Variants in ANKFN1 observed in about 807,000 individuals in gnomAD.
The protein encoded by ANKFN1 is ankyrin repeat and fibronectin type III domain containing 1, also known as ankyrin repeat and fibronectin type-III domain-containing protein 1.
A neutral mutation model predicts 108.7 loss-of-function variants in ANKFN1; 74 were observed. The observed-to-expected ratio is 0.68, with a 90% CI of 0.56 to 0.83. The LOEUF (loss-of-function observed/expected upper bound fraction) is 0.83. ANKFN1 is among the 40% of genes least tolerant of loss of function. ANKFN1 has a pLI of 0.00. For missense variants in ANKFN1, 1,505 were observed against 1,382.3 expected (o/e 1.09, Z -1.41); for synonymous variants, 547 against 516.2 (o/e 1.06, Z -0.81).
At chr17:56,479,860 C>A (rs2050634259) in intron 16 of ANKFN1, among the ~76,000 whole-genome samples, 2 of 152,176 alleles carry the variant, frequency 1.3e-5, no homozygotes, top group Admixed American at 1.3e-4. Context: ...AGAATCTGGG[C>A]CAACTGAATG....
chr17:56,245,343 T>C (rs1374794428), intron 3 of ANKFN1, among the ~76,000 whole-genome samples: 1 of 152,064 alleles, frequency 6.6e-6, no homozygotes, highest in Non-Finnish European at 1.5e-5. Flanking sequence ...TTTGTTTGTT[T>C]GTTCTAACAT....
chr17:56,178,310 G>A (rs1244690348), intron 1 of ANKFN1, among the ~76,000 whole-genome samples: 1 of 152,158 alleles, frequency 6.6e-6, no homozygotes, highest in African/African-American at 2.4e-5. Context: ...TTATTTGGGG[G>A]ACATTCATTT....
chr17:56,063,803 C>T (rs536838295), intron 4 of ANKFN1, among the ~76,000 whole-genome samples: 19 of 152,134 alleles, frequency 1.2e-4, no homozygotes, highest in South Asian at 1.0e-3. Context: ...GGAGAGAGAT[C>T]GTGATCATTT....
At chr17:56,476,063 A>G (rs1484202484) in intron 15 of ANKFN1, among the ~76,000 whole-genome samples, 1 of 152,200 alleles carries the variant, frequency 6.6e-6, no homozygotes, top group African/African-American at 2.4e-5. Flanking sequence ...AGTGCCACAC[A>G]CTTTTAAACC....
intron 5 of ANKFN1, 22 bp downstream of exon 5, chr17:56,350,989 T>A (rs1437063361): frequency 6.2e-7 from 1 of 1,605,334 alleles, no homozygotes; most frequent in South Asian, 1.1e-5. Flanking sequence ...GTTTTTATTC[T>A]TGTGTCAGTT....
intron 3 of ANKFN1, among the ~76,000 whole-genome samples, chr17:56,306,957 G>A (rs950467022): frequency 6.6e-6 from 1 of 152,122 alleles, no homozygotes; most frequent in Non-Finnish European, 1.5e-5. Flanking sequence ...TGACAAACCT[G>A]ACAAAAACAA....
intron 20 of ANKFN1, 24 bp from the exon 21 acceptor site, chr17:56,510,449 T>C (rs776482983): frequency 1.3e-6 from 2 of 1,530,218 alleles, no homozygotes; most frequent in Non-Finnish European, 1.7e-6. Flanking sequence ...ATATTTTTCC[T>C]AACCTCAGTT....
chr17:56,401,368 A>ATTGTATTGTATTGTGTTGTG (rs55888620), intron 8 of ANKFN1, among the ~76,000 whole-genome samples: 17 of 135,646 alleles, frequency 1.3e-4, no homozygotes, highest in East Asian at 4.4e-4. Context: ...ATTGTATTGT[A>ATTGTATTGTATTGTGTTGTG]TTGTGTTGTG....
At chr17:56,237,427 C>T (rs372723367) in intron 3 of ANKFN1, among the ~76,000 whole-genome samples, 65 of 152,114 alleles carry the variant, frequency 4.3e-4, no homozygotes, top group Non-Finnish European at 7.7e-4. Context: ...TTTCTTTAAT[C>T]GGTAGGCTAT....
chr17:56,057,308 C>T (rs1904897127), intron 4 of ANKFN1, among the ~76,000 whole-genome samples: 1 of 152,160 alleles, frequency 6.6e-6, no homozygotes, highest in Admixed American at 6.6e-5. Flanking sequence ...TTACCTTCCC[C>T]CATGAATCAC....
rs1262944771 is a variant in ANKFN1 at position 56,482,403 on chromosome 17, C to T, written c.2139C>T (p.His713=). 2.5e-6 allele frequency: 4 copies of T among 1,613,252 alleles called. No homozygotes were observed. Among genetic ancestry groups the T allele is most frequent in the South Asian group, 2.2e-5 (2 of 90,840 alleles). Residue 713 remains histidine, a synonymous_variant, in exon 18 of 21, where the codon CAC becomes CAT. Transcript: ENST00000682825. ...CACAGGAGGTGTTGGAAATGGGTCA[C>T]AATGTGTCCTTTCTTCTCCTGCTCC... ...LYTQEVLEMG[H]NVSFLLLLPA...
At chr17:56,216,631 C>CATAGATGATG (rs1915443365) in intron 2 of ANKFN1, among the ~76,000 whole-genome samples, 1 of 152,180 alleles carries the variant, frequency 6.6e-6, no homozygotes, top group Non-Finnish European at 1.5e-5. Flanking sequence ...GGGTGATTTC[C>CATAGATGATG]ATAGATGATG....
rs61556880 is a variant in ANKFN1, at chr17:56,188,581, GTATATATATATATATA to G, written c.-70-23997_-70-23982del. Among the ~76,000 whole-genome samples the G allele has an allele frequency of 5.0e-4, 25 of 49,654 alleles. 1 individual carries two copies. Among genetic ancestry groups the G allele is most frequent in the African/African-American group, 2.2e-3 (22 of 9,898 alleles). 32.6% of individuals were successfully genotyped at this position (49,654 alleles called of 152,430 possible). A position where few individuals can be genotyped will look rare whatever the true frequency, so the allele number is the denominator to read the frequency against. On this transcript the variant is annotated intron_variant, in intron 1 of 20. Transcript: ENST00000682825. ...TGTGTGTATGTGTGTGTGTGTGTGT[GTATATATATATATATA>G]TATATATATATATATATATGAAATA...
intron 8 of ANKFN1, among the ~76,000 whole-genome samples, chr17:56,401,699 C>T (rs1281267539): frequency 6.6e-6 from 1 of 151,916 alleles, no homozygotes; most frequent in Non-Finnish European, 1.5e-5. Flanking sequence ...ATTGCTCTGG[C>T]TAGGATTGGT....
At chr17:56,353,705 G>A (rs970422004) in intron 5 of ANKFN1, 131 bp from the exon 6 acceptor site, 14 of 749,454 alleles carry the variant, frequency 1.9e-5, no homozygotes, top group Non-Finnish European at 2.7e-5. Flanking sequence ...GAGACCTTGG[G>A]ATAAATTGTA....
At chr17:56,285,131 T>TA (rs2044181816) in intron 3 of ANKFN1, among the ~76,000 whole-genome samples, 1 of 152,140 alleles carries the variant, frequency 6.6e-6, no homozygotes, top group Non-Finnish European at 1.5e-5. Context: ...AATCTGTTCC[T>TA]CTCTCACAAA....
intron 1 of ANKFN1, among the ~76,000 whole-genome samples, chr17:56,183,435 A>G (rs1352504304): frequency 6.6e-6 from 1 of 152,166 alleles, no homozygotes; most frequent in Non-Finnish European, 1.5e-5. Flanking sequence ...GGTGGAGCTT[A>G]GTGGGAGGTG....
chr17:56,296,390 A>G (rs1472082559), intron 3 of ANKFN1, among the ~76,000 whole-genome samples: 9 of 152,214 alleles, frequency 5.9e-5, no homozygotes. Flanking sequence ...GAAGCTGATT[A>G]AAAAGGCTGT....
intron 4 of ANKFN1, among the ~76,000 whole-genome samples, chr17:56,053,948 C>A (rs559594044): frequency 6.6e-6 from 1 of 152,278 alleles, no homozygotes; most frequent in African/African-American, 2.4e-5. Context: ...AGTGCGCCTG[C>A]CATCCAAGTA....
Sources: gnomAD v4.1 joint callset for allele counts (sites outside exome capture counted in the v4.1 genomes callset) on GRCh38, gnomAD v4.1.1 for gene constraint, MANE v1.5 for transcripts, NCBI Gene and HGNC (gene_info 2026-07-23, HGNC 2026-07-21) for gene names.